Variants in UGT1A10 observed in about 807,000 individuals in gnomAD.
UGT1A10 encodes UDP-glucuronosyltransferase 1A10.
Under a neutral mutation model 45.8 loss-of-function variants are expected in UGT1A10, and 49 were observed. The ratio of observed to expected loss-of-function variants is 1.07; its 90% CI spans 0.85 to 1.36. UGT1A10 has a LOEUF of 1.36. Ranked by LOEUF, UGT1A10 falls within the 40% of genes most tolerant of loss-of-function variation. UGT1A10 has a pLI of 0.00. For missense variants in UGT1A10, 745 were observed against 668.6 expected (o/e 1.11, Z -1.26); for synonymous variants, 284 against 249.7 (o/e 1.14, Z -1.29).
intron 1 of UGT1A10, chr2:233,672,260 T>C (rs775577335): frequency 5.0e-6 from 8 of 1,614,196 alleles, no homozygotes; most frequent in Non-Finnish European, 5.9e-6. Context: ...TATTCTCTAT[T>C]AATGGGTTCA....
At position 233,694,150 on chromosome 2, in the gene UGT1A10, C is replaced by T. The variant is rs2075202276; in HGVS notation, c.855+56773C>T. On this transcript the variant is annotated intron_variant, in intron 1 of 4. Transcript: ENST00000344644. ...CTCATTGAATGAGCCTTAGAAATGT[C>T]CCAGTTCAAACAGAGGTGAAGGCTT... Among the ~76,000 whole-genome samples the T allele has an allele frequency of 1.3e-5, 2 of 152,122 alleles. 1 individual carries two copies. Among genetic ancestry groups the T allele is most frequent in the South Asian group, 4.1e-4 (2 of 4,826 alleles).
chr2:233,771,184 C>G (rs1452671929), intron 4 of UGT1A10: 1 of 152,242 alleles, frequency 6.6e-6, no homozygotes, highest in Non-Finnish European at 1.5e-5. Flanking sequence ...TACAATTCAA[C>G]ATGAGATCTG....
rs759958389 is a variant in UGT1A10 at position 233,636,751 on chromosome 2, T to A, written c.229T>A (p.Tyr77Asn). 1 of 1,614,190 alleles carries A rather than the reference T, an allele frequency of 6.2e-7. No homozygotes were observed. The highest frequency in any genetic ancestry group is 8.5e-7 in the Non-Finnish European group (1 of 1,180,024). The change falls in exon 1 of 5, where the codon TAC becomes AAC. Residue 77 changes from tyrosine (Y) to asparagine (N), a missense_variant. Transcript: ENST00000344644. ...ERSLNCTVKT[Y>N]STSYTLEDQN... is the part of the protein sequence containing the mutation. ...ATCACTGAATTGCACAGTGAAGACT[T>A]ACTCAACCTCGTACACTCTGGAAGA...
intron 1 of UGT1A10, among the ~76,000 whole-genome samples, chr2:233,685,504 A>T (rs1367783819): frequency 6.6e-6 from 1 of 152,240 alleles, no homozygotes; most frequent in African/African-American, 2.4e-5. Flanking sequence ...GGTTACAGCA[A>T]GAAAAGATCT....
intron 1 of UGT1A10, among the ~76,000 whole-genome samples, chr2:233,694,916 G>A (rs1410139642): frequency 2.0e-5 from 3 of 152,208 alleles, no homozygotes; most frequent in African/African-American, 4.8e-5. Context: ...CGTATACAAT[G>A]TGCGATGATC....
chr2:233,709,579 A>C (rs936977036), intron 1 of UGT1A10, among the ~76,000 whole-genome samples: 1 of 152,242 alleles, frequency 6.6e-6, no homozygotes, highest in African/African-American at 2.4e-5. Flanking sequence ...AATTCAAAAA[A>C]TATACCAGGA....
intron 1 of UGT1A10, among the ~76,000 whole-genome samples, chr2:233,649,656 C>G (rs181100489): frequency 6.6e-6 from 1 of 152,138 alleles, no homozygotes; most frequent in East Asian, 1.9e-4. Context: ...AAAGTCTTTA[C>G]TTTGGATGCA....
At chr2:233,662,890 A>G (rs2074003817) in intron 1 of UGT1A10, among the ~76,000 whole-genome samples, 1 of 150,998 alleles carries the variant, frequency 6.6e-6, no homozygotes, top group Non-Finnish European at 1.5e-5. Flanking sequence ...TAAGATTGCT[A>G]CATGGTTATA....
At chr2:233,739,806 T>C (rs11695770) in intron 1 of UGT1A10, among the ~76,000 whole-genome samples, 15,021 of 151,014 alleles carry the variant, frequency 0.099, 1,689 homozygotes, top group African/African-American at 0.28. Context: ...TGGGAAGGCA[T>C]GATTGGTTTT....
At chr2:233,743,967 C>T in intron 1 of UGT1A10, 2 of 1,326,686 alleles carry the variant, frequency 1.5e-6, no homozygotes, top group Non-Finnish European at 2.0e-6. Flanking sequence ...AGCGGCAAGG[C>T]TGCCAGCACC....
At chr2:233,644,200 G>A (rs1193782566) in intron 1 of UGT1A10, among the ~76,000 whole-genome samples, 7 of 152,144 alleles carry the variant, frequency 4.6e-5, no homozygotes, top group Admixed American at 2.6e-4. Flanking sequence ...TTTGGCCCTC[G>A]GTGGTGAGGT....
At chr2:233,718,755 C>G (rs372600165) in intron 1 of UGT1A10, 10 of 1,612,204 alleles carry the variant, frequency 6.2e-6, no homozygotes, top group East Asian at 4.5e-5. Flanking sequence ...GTAATTAAGG[C>G]GAAGGAAACA....
chr2:233,718,699 T>C (rs1301211854), intron 1 of UGT1A10: 6 of 1,598,044 alleles, frequency 3.8e-6, no homozygotes, highest in South Asian at 1.1e-5. Context: ...GGAGGGCACT[T>C]TGTCTTCCAA....
chr2:233,738,734 C>G (rs1273987564), intron 1 of UGT1A10, among the ~76,000 whole-genome samples: 1 of 152,148 alleles, frequency 6.6e-6, no homozygotes, highest in Non-Finnish European at 1.5e-5. Context: ...AAATTTGCAG[C>G]CTGACCATGT....
intron 1 of UGT1A10, chr2:233,739,030 G>A (rs1034959985): frequency 1.3e-5 from 2 of 152,264 alleles, no homozygotes; most frequent in African/African-American, 4.8e-5. Flanking sequence ...TGGCTAAAAG[G>A]GGCCAAGGTA....
chr2:233,761,267 C>T, intron 1 of UGT1A10: 1 of 1,593,550 alleles, frequency 6.3e-7, no homozygotes, highest in South Asian at 1.1e-5. Flanking sequence ...TTTAAAATGC[C>T]CTCTTTTGTT....
intron 1 of UGT1A10, among the ~76,000 whole-genome samples, chr2:233,722,870 A>ATTTTTT: frequency 7.8e-6 from 1 of 127,982 alleles, no homozygotes; most frequent in Non-Finnish European, 1.7e-5. Context: ...GAAGGAAAAA[A>ATTTTTT]TAAATTTATT....
intron 1 of UGT1A10, among the ~76,000 whole-genome samples, chr2:233,660,412 A>G (rs2073940009): frequency 6.6e-6 from 1 of 152,186 alleles, no homozygotes; most frequent in Admixed American, 6.5e-5. Context: ...CTGGATGGCT[A>G]GAGGCATTGT....
Position 233,693,162 on chromosome 2 carries a change from GT to G in UGT1A10, c.855+55786del, listed in dbSNP as rs1559345986. The G allele has an allele frequency of 1.5e-5, 24 of 1,614,206 alleles. No individual in the cohort carries two copies. In the Middle Eastern group the frequency reaches 2.8e-3, roughly 189 times the overall value. On this transcript the variant is annotated intron_variant, in intron 1 of 4. Coordinates refer to ENST00000344644, the MANE Select transcript of UGT1A10 (RefSeq NM_019075.4). ...ATAGTTGAGGTTCTCAGTGACCGGGGTCATGAGATTGTAGTGGTGGTGCCTG... is the reference window on the plus strand; with the variant it reads ...ATAGTTGAGGTTCTCAGTGACCGGGGCATGAGATTGTAGTGGTGGTGCCTG...
Sources: gnomAD v4.1 joint callset for allele counts (sites outside exome capture counted in the v4.1 genomes callset) on GRCh38, gnomAD v4.1.1 for gene constraint, MANE v1.5 for transcripts, NCBI Gene and HGNC (gene_info 2026-07-23, HGNC 2026-07-21) for gene names.